The following DPP4 variants were observed in gnomAD, a reference collection of about 807,000 sequenced individuals.
The protein encoded by DPP4 is ADCP-2.
DPP4 carries 93 observed loss-of-function variants against 122.4 expected under a neutral mutation model. The observed-to-expected ratio is 0.76, with a 90% CI of 0.64 to 0.90. DPP4 has a LOEUF of 0.90. DPP4 is among the 40% of genes least tolerant of loss of function. The pLI, the probability that DPP4 is intolerant of heterozygous loss-of-function variation, is 0.00. For synonymous variants in DPP4, 321 were observed against 302.9 expected, an observed-to-expected ratio of 1.06 and a Z score of -0.62; for missense variants, 914 against 907.3, an observed-to-expected ratio of 1.01 and a Z score of -0.09.
chr2:161,992,552 C>T lies in DPP4; in HGVS notation c.*731G>A, dbSNP rs1182710848. On this transcript the variant is annotated 3_prime_UTR_variant, in exon 26 of 26. Transcript: ENST00000360534. ...ACATCAGTATTTTTTTTTAAAAGCA[C>T]ATTTACAATGCTTTCCCATCACCCT... 6.6e-6 allele frequency: 1 copy of T among 152,598 alleles called. No homozygotes were observed. Among genetic ancestry groups the T allele is most frequent in the Non-Finnish European group, 1.5e-5 (1 of 68,030 alleles). The allele number at this position is 152,598 out of a possible 1,614,324, so 9.5% of individuals were successfully genotyped here.
At chr2:162,041,980 C>A (rs181102347) in intron 5 of DPP4, among the ~76,000 whole-genome samples, 41 of 152,048 alleles carry the variant, frequency 2.7e-4, no homozygotes, top group African/African-American at 9.7e-4. Context: ...ATAAATTAGG[C>A]CTTGGGGAGG....
At chr2:162,001,605 C>G (rs946246980) in intron 23 of DPP4, among the ~76,000 whole-genome samples, 5 of 152,154 alleles carry the variant, frequency 3.3e-5, no homozygotes, top group Non-Finnish European at 5.9e-5. Flanking sequence ...GAAAGTCTAC[C>G]ACGTTAACAT....
chr2:162,018,648 A>C, intron 16 of DPP4, 81 bp downstream of exon 16: 16 of 1,518,000 alleles, frequency 1.1e-5, no homozygotes, highest in Non-Finnish European at 1.4e-5. Flanking sequence ...AGAGCTCCTC[A>C]GATTCAAAAG....
At chr2:162,054,582 T>G (rs1443871600) in intron 2 of DPP4, among the ~76,000 whole-genome samples, 2 of 152,124 alleles carry the variant, frequency 1.3e-5, no homozygotes, top group African/African-American at 4.8e-5. Flanking sequence ...TCATGAGGGC[T>G]CCCCACTCAT....
At chr2:162,055,499 C>A (rs1175081536) in intron 2 of DPP4, among the ~76,000 whole-genome samples, 3 of 151,988 alleles carry the variant, frequency 2.0e-5, no homozygotes, top group Non-Finnish European at 2.9e-5. Context: ...GAGTTCGAGA[C>A]CAGCCTGGGC....
intron 11 of DPP4, among the ~76,000 whole-genome samples, chr2:162,024,493 G>A (rs560637243): frequency 1.3e-5 from 2 of 152,222 alleles, no homozygotes; most frequent in South Asian, 2.1e-4. Flanking sequence ...GCAGGTGCTG[G>A]CCCTCTTTGG....
intron 23 of DPP4, among the ~76,000 whole-genome samples, chr2:161,996,757 T>C (rs1248912565): frequency 2.0e-5 from 3 of 152,232 alleles, no homozygotes; most frequent in Non-Finnish European, 4.4e-5. Context: ...TTAGCTATTG[T>C]TAATCTCTTA....
At position 161,992,702 on chromosome 2, in the gene DPP4, G is replaced by A. The variant is rs200831682; in HGVS notation, c.*581C>T. ...GGTTTTACTTAGAAGTCAGTGCTTT[G>A]CATATTTGATTTCCTGAGACTGTTT... On this transcript the variant is annotated 3_prime_UTR_variant, in exon 26 of 26. Transcript: ENST00000360534. 1 of 152,840 alleles carries A rather than the reference G, an allele frequency of 6.5e-6. No individual in the cohort carries two copies. The highest frequency in any genetic ancestry group is 1.5e-5 in the Non-Finnish European group (1 of 68,230). The allele number at this position is 152,840 out of a possible 1,614,324, so 9.5% of individuals were successfully genotyped here.
intron 2 of DPP4, among the ~76,000 whole-genome samples, chr2:162,058,448 C>A (rs1379106913): frequency 6.6e-6 from 1 of 152,192 alleles, no homozygotes; most frequent in Non-Finnish European, 1.5e-5. Flanking sequence ...ACCCTGTTAA[C>A]TGCCTATATG....
intron 2 of DPP4, among the ~76,000 whole-genome samples, chr2:162,065,870 T>C (rs1684930509): frequency 6.6e-6 from 1 of 152,198 alleles, no homozygotes; most frequent in African/African-American, 2.4e-5. Flanking sequence ...CTGTCAATTA[T>C]TTGAGGACAA....
intron 5 of DPP4, among the ~76,000 whole-genome samples, chr2:162,041,431 T>A (rs1243835785): frequency 1.3e-5 from 2 of 152,084 alleles, no homozygotes; most frequent in African/African-American, 4.8e-5. Context: ...ACGGATGAAA[T>A]AGGTATCCCA....
At chr2:162,073,926 G>A in intron 1 of DPP4, 50 bp downstream of exon 1, 1 of 1,607,338 alleles carries the variant, frequency 6.2e-7, no homozygotes, top group Non-Finnish European at 8.5e-7. Flanking sequence ...GGAGTTTGGC[G>A]AAGAGGTCCC....
chr2:162,046,719 G>A (rs1484871276), intron 4 of DPP4, 196 bp downstream of exon 4: 1 of 642,948 alleles, frequency 1.6e-6, no homozygotes, highest in East Asian at 3.1e-5. Flanking sequence ...AATATGGGCA[G>A]AGGAAGAGGA....
intron 10 of DPP4, among the ~76,000 whole-genome samples, chr2:162,029,375 G>A (rs1015106245): frequency 2.0e-5 from 3 of 152,208 alleles, no homozygotes; most frequent in Non-Finnish European, 2.9e-5. Flanking sequence ...CCGAGGAAGC[G>A]GGCATACTGC....
At chr2:162,037,841 A>G (rs933329035) in intron 8 of DPP4, among the ~76,000 whole-genome samples, 1 of 152,156 alleles carries the variant, frequency 6.6e-6, no homozygotes, top group East Asian at 1.9e-4. Context: ...TCCAAGTTCA[A>G]ATAAATACAA....
intron 5 of DPP4, 113 bp from the exon 6 acceptor site, chr2:162,039,297 G>T: frequency 2.2e-6 from 2 of 896,668 alleles, no homozygotes; most frequent in Non-Finnish European, 3.5e-6. Context: ...ATTCTCACAT[G>T]TTATCATATC....
chr2:162,052,014 T>C (rs995257700), intron 2 of DPP4, among the ~76,000 whole-genome samples: 2 of 151,966 alleles, frequency 1.3e-5, no homozygotes, highest in Non-Finnish European at 2.9e-5. Context: ...AAGTGGTTAG[T>C]GCTTCATAAA....
At chr2:162,009,542 T>C (rs1464970575) in intron 20 of DPP4, among the ~76,000 whole-genome samples, 1 of 151,924 alleles carries the variant, frequency 6.6e-6, no homozygotes, top group Non-Finnish European at 1.5e-5. Flanking sequence ...TGTGTGTGTG[T>C]GTGTGTGTGT....
At chr2:162,018,875 A>C (rs2106099027) in intron 15 of DPP4, 25 bp from the exon 16 acceptor site, 2 of 1,612,730 alleles carry the variant, frequency 1.2e-6, no homozygotes, top group South Asian at 2.2e-5. Flanking sequence ...GTGGAAATTA[A>C]GTGCTTGAAG....
Sources: gnomAD v4.1 joint callset for allele counts (sites outside exome capture counted in the v4.1 genomes callset) on GRCh38, gnomAD v4.1.1 for gene constraint, MANE v1.5 for transcripts, NCBI Gene and HGNC (gene_info 2026-07-23, HGNC 2026-07-21) for gene names.